Variants in NOX5 observed in about 807,000 individuals in gnomAD.
The protein encoded by NOX5 is NADPH oxidase, EF-hand calcium binding domain 5.
A neutral mutation model predicts 85.7 loss-of-function variants in NOX5; 76 were observed. The ratio of observed to expected loss-of-function variants is 0.89; its 90% confidence interval spans 0.74 to 1.07. The LOEUF is 1.07. NOX5 is among the 50% of genes least tolerant of loss of function. NOX5 has a pLI of 0.00. For synonymous variants in NOX5, 405 were observed against 401.4 expected (o/e 1.01, Z -0.11); for missense variants, 973 against 999.5 (o/e 0.97, Z 0.36).
intron 14 of NOX5, among the ~76,000 whole-genome samples, 190 bp downstream of exon 14, chr15:69,049,248 G>C (rs1319726621): frequency 6.7e-6 from 1 of 148,912 alleles, no homozygotes; most frequent in Non-Finnish European, 1.5e-5. Context: ...CTGAAGTGCA[G>C]TAGCACGATT....
Position 69,056,770 on chromosome 15 carries a change from A to T in NOX5, c.*74A>T, listed in dbSNP as rs1006759998. ...ATTGCATTAGTATAAATGCCCCCAC[A>T]GGGACCAGCCTCAGATGACCCACCC... On this transcript the variant is annotated 3_prime_UTR_variant, in exon 16 of 16. Transcript: ENST00000388866. 6 of 1,559,534 alleles carry T rather than the reference A, an allele frequency of 3.8e-6. No individual in the cohort carries two copies. The highest frequency in any genetic ancestry group is 5.2e-6 in the Non-Finnish European group (6 of 1,152,552).
At chr15:69,026,379 C>A in intron 1 of NOX5, 149 bp from the exon 2 acceptor site, 1 of 889,448 alleles carries the variant, frequency 1.1e-6, no homozygotes, top group Non-Finnish European at 1.7e-6. Flanking sequence ...GTGGGAAGCT[C>A]CAATCCACAG....
rs1166086485 is a variant in NOX5, at chr15:69,047,263, T to C, written c.1693-150T>C. 7.4e-6 allele frequency: 7 copies of C among 948,858 alleles called. No individual in the cohort carries two copies. The African/African-American group carries it at 1.2e-4, about 16-fold the overall frequency. The allele number at this position is 948,858 out of a possible 1,614,324, so 58.8% of individuals were successfully genotyped here. A position where few individuals can be genotyped will look rare whatever the true frequency, so the allele number is the denominator to read the frequency against. ...AGAGCACAGGATGTGGAAAGAGCACTGGAGTGGGAGCCACTTAGACCTGGC... is the reference window on the plus strand; with the variant it reads ...AGAGCACAGGATGTGGAAAGAGCACCGGAGTGGGAGCCACTTAGACCTGGC... On this transcript the variant is annotated intron_variant, in intron 11 of 15. Transcript: ENST00000388866.
At chr15:69,039,029 T>A (rs1243308125) in intron 9 of NOX5, 40 bp downstream of exon 9, 1 of 1,608,712 alleles carries the variant, frequency 6.2e-7, no homozygotes, top group Non-Finnish European at 8.5e-7. Context: ...ACATATTCAC[T>A]GAGTTCCTAC....
chr15:69,054,940 T>C (rs1366074905), intron 14 of NOX5, among the ~76,000 whole-genome samples: 1 of 152,156 alleles, frequency 6.6e-6, no homozygotes, highest in Admixed American at 6.5e-5. Flanking sequence ...ACAAAAAGTC[T>C]TGGCCAGGCA....
intron 14 of NOX5, 134 bp downstream of exon 14, chr15:69,049,192 CTTTTT>C (rs34467340): frequency 8.2e-4 from 241 of 292,234 alleles, no homozygotes; most frequent in Middle Eastern, 2.1e-3. Flanking sequence ...AACCCAGAGT[CTTTTT>C]TTTTTTTTTT....
intron 13 of NOX5, among the ~76,000 whole-genome samples, chr15:69,048,741 C>T (rs1487039907): frequency 2.0e-5 from 3 of 152,104 alleles, no homozygotes; most frequent in South Asian, 2.1e-4. Context: ...AGAAAATCCC[C>T]GCCTTGGGGT....
rs919635168 is a variant in NOX5, at chr15:69,014,834, T to A, written c.50+49T>A. 3.7e-6 allele frequency: 5 copies of A among 1,336,988 alleles called. No individual in the cohort carries two copies. In the African/African-American group the frequency reaches 7.3e-5, roughly 19 times the overall value. The allele number at this position is 1,336,988 out of a possible 1,614,324, so 82.8% of individuals were successfully genotyped here. On this transcript the variant is annotated intron_variant, in intron 1 of 15. Coordinates refer to ENST00000388866, the MANE Select transcript of NOX5 (RefSeq NM_024505.4). The stretch of plus-strand genomic sequence containing the variant: ...TTCCATGCCAGGGACAAGGGAAAGG[T>A]GGGATTATTTGCCTTTGTGGGATCT...
intron 14 of NOX5, 38 bp downstream of exon 14, chr15:69,049,096 G>A (rs1170308751): frequency 2.2e-6 from 3 of 1,366,192 alleles, no homozygotes; most frequent in Non-Finnish European, 3.1e-6. Flanking sequence ...GTAGGAGTAG[G>A]GCAGGGGCCT....
At chr15:69,045,536 T>TTTTCTTTCTTTCTTTCTTTCTTTTC (rs2050653815) in intron 10 of NOX5, among the ~76,000 whole-genome samples, 1 of 94,470 alleles carries the variant, frequency 1.1e-5, no homozygotes, top group Non-Finnish European at 1.9e-5. Flanking sequence ...TTCCTTTCTT[T>TTTTCTTTCTTTCTTTCTTTCTTTTC]TTTCTTTCTT....
At chr15:69,030,099 T>C (rs541574579) in intron 3 of NOX5, 1 of 152,344 alleles carries the variant, frequency 6.6e-6, no homozygotes, top group South Asian at 2.1e-4. Flanking sequence ...CAGCATCGTG[T>C]AGTATTTAAG....
At chr15:69,032,149 TATTTATGCAATAA>T (rs1413225175) in intron 4 of NOX5, among the ~76,000 whole-genome samples, 1 of 152,204 alleles carries the variant, frequency 6.6e-6, no homozygotes, top group Non-Finnish European at 1.5e-5. Flanking sequence ...TTAACAAAGG[TATTTATGCAATAA>T]ATGTTTGAGC....
intron 3 of NOX5, chr15:69,031,193 C>G (rs2050423807): frequency 2.4e-6 from 1 of 413,542 alleles, no homozygotes; most frequent in African/African-American, 2.0e-5. Flanking sequence ...AACCCACATA[C>G]AGTGTGCCTT....
chr15:69,023,348 G>A, intron 1 of NOX5: 1 of 282,624 alleles, frequency 3.5e-6, no homozygotes, highest in East Asian at 9.9e-5. Context: ...TCTCAGATGG[G>A]TTTCCATGCA....
At chr15:69,018,365 C>T (rs2050255900) in intron 1 of NOX5, among the ~76,000 whole-genome samples, 1 of 152,198 alleles carries the variant, frequency 6.6e-6, no homozygotes, top group South Asian at 2.1e-4. Context: ...ACTCTGTTGT[C>T]TTTGAAGCCT....
intron 13 of NOX5, among the ~76,000 whole-genome samples, 168 bp from the exon 14 acceptor site, chr15:69,048,791 G>GTC (rs2050708884): frequency 1.3e-5 from 2 of 152,118 alleles, no homozygotes; most frequent in Admixed American, 1.3e-4. Flanking sequence ...CTGTGATCTG[G>GTC]GCATGGCTGC....
chr15:69,046,748 G>A, intron 10 of NOX5, 74 bp from the exon 11 acceptor site: 2 of 1,456,200 alleles, frequency 1.4e-6, no homozygotes, highest in East Asian at 4.6e-5. Flanking sequence ...AGACTGGCAA[G>A]GGCAAGAAAC....
At chr15:69,017,111 C>T (rs1030061562) in intron 1 of NOX5, among the ~76,000 whole-genome samples, 2 of 151,794 alleles carry the variant, frequency 1.3e-5, no homozygotes, top group African/African-American at 2.4e-5. Context: ...CTCCATAACC[C>T]CTTATTTTAA....
In NOX5 at chr15:69,059,240, C is replaced by A. The variant is rs940917299; in HGVS notation, c.*2544C>A. ...CGTGTCCTGAGGTTTTCTCTCCAGA[C>A]AGATTCCAGTTGCCCACGAGAGGGC... is the stretch of plus-strand genomic sequence containing the variant. On this transcript the variant is annotated 3_prime_UTR_variant, in exon 16 of 16. Transcript: ENST00000388866. The A allele has an allele frequency of 6.6e-6, 1 of 152,216 alleles. No homozygotes were observed. The highest frequency in any genetic ancestry group is 2.4e-5 in the African/African-American group (1 of 41,438). The allele number at this position is 152,216 out of a possible 1,614,324, so 9.4% of individuals were successfully genotyped here. A position where few individuals can be genotyped will look rare whatever the true frequency, so the allele number is the denominator to read the frequency against.
Sources: gnomAD v4.1 joint callset for allele counts (sites outside exome capture counted in the v4.1 genomes callset) on GRCh38, gnomAD v4.1.1 for gene constraint, MANE v1.5 for transcripts, NCBI Gene and HGNC (gene_info 2026-07-23, HGNC 2026-07-21) for gene names.